Variants in DIPK1B observed in about 807,000 individuals in gnomAD.
DIPK1B encodes family with sequence similarity 69 member B.
DIPK1B carries 17 observed loss-of-function variants against 20.7 expected under a neutral mutation model. The ratio of observed to expected loss-of-function variants is 0.82; its 90% CI spans 0.56 to 1.23. The LOEUF (loss-of-function observed/expected upper bound fraction) is 1.23, where lower values mean the gene tolerates loss of function less well. Ranked by LOEUF, DIPK1B falls within the 50% of genes most tolerant of loss-of-function variation. The pLI is 0.00. For synonymous variants in DIPK1B, 343 were observed against 276.5 expected (o/e 1.24, Z -2.39); for missense variants, 648 against 601.8 (o/e 1.08, Z -0.80).
At chr9:136,722,475 C>T in intron 4 of DIPK1B, 174 bp downstream of exon 4, 2 of 818,218 alleles carry the variant, frequency 2.4e-6, no homozygotes, top group South Asian at 3.6e-5. Flanking sequence ...GAAGGAGCCT[C>T]TCCAGGGCTG....
Position 136,724,095 on chromosome 9 carries a change from C to T in DIPK1B, c.*321C>T, listed in dbSNP as rs887041781. ...ATGCTGTGTGTGGGACCCTTCGCCCCGCTGTGGATCCACCCAGCCCAGGCA... is the reference window on the plus strand; with the variant it reads ...ATGCTGTGTGTGGGACCCTTCGCCCTGCTGTGGATCCACCCAGCCCAGGCA... On this transcript the variant is annotated 3_prime_UTR_variant, in exon 5 of 5. Transcript: ENST00000371692. 4.2e-5 allele frequency: 14 copies of T among 331,284 alleles called. No homozygotes were observed. The highest frequency in any genetic ancestry group is 2.9e-4 in the African/African-American group (13 of 45,520). The allele number at this position is 331,284 out of a possible 1,614,324, so 20.5% of individuals were successfully genotyped here.
intron 3 of DIPK1B, 28 bp downstream of exon 3, chr9:136,722,056 C>A (rs1180286164): frequency 6.2e-7 from 1 of 1,612,958 alleles, no homozygotes; most frequent in East Asian, 2.2e-5. Context: ...GCGGGTGGGC[C>A]TGGGGCTGAT....
At chr9:136,713,632 C>T (rs1032356916) in intron 1 of DIPK1B, among the ~76,000 whole-genome samples, 1 of 152,214 alleles carries the variant, frequency 6.6e-6, no homozygotes, top group Non-Finnish European at 1.5e-5. Flanking sequence ...GGTCTGAGGA[C>T]CACCCCAGTC....
In DIPK1B at chr9:136,723,920, C is replaced by T; in HGVS notation, c.*146C>T. 1 of 844,772 alleles carries T rather than the reference C, an allele frequency of 1.2e-6. No homozygotes were observed. Among genetic ancestry groups the T allele is most frequent in the South Asian group, 1.8e-5 (1 of 56,214 alleles). 52.3% of individuals were successfully genotyped at this position (844,772 alleles called of 1,614,324 possible). A position where few individuals can be genotyped will look rare whatever the true frequency, so the allele number is the denominator to read the frequency against. On this transcript the variant is annotated 3_prime_UTR_variant, in exon 5 of 5. Coordinates refer to ENST00000371692, the MANE Select transcript of DIPK1B (RefSeq NM_152421.4). The stretch of plus-strand genomic sequence containing the variant: ...ACCGTCAGGGCTCTGGATTCCAGCA[C>T]CACAGACATGAGACCCCAGCTCGGA...
chr9:136,723,439 C>T lies in DIPK1B; in HGVS notation c.961C>T (p.Pro321Ser), dbSNP rs770649975. The change falls in exon 5 of 5, where the codon CCC becomes TCC. Residue 321 changes from proline to serine, a missense_variant. Pro to Ser is a moderately conservative substitution (Grantham distance 74, BLOSUM62 -1). Transcript: ENST00000371692. ...GATGGCCGACCTGCAGCAGGTGGCA[C>T]CCGAGGCCACCGTGCGCCGCTTCCT... ...FKMADLQQVAPEATVRRFLQG... is the reference protein window; with the variant it reads ...FKMADLQQVASEATVRRFLQG... The T allele has an allele frequency of 2.5e-6, 4 of 1,611,838 alleles. No individual in the cohort carries two copies. Among genetic ancestry groups the T allele is most frequent in the South Asian group, 2.2e-5 (2 of 91,016 alleles).
chr9:136,718,311 C>T (rs897915145), intron 2 of DIPK1B, among the ~76,000 whole-genome samples: 3 of 152,026 alleles, frequency 2.0e-5, no homozygotes, highest in Non-Finnish European at 2.9e-5. Flanking sequence ...GCCTTAGTGG[C>T]CTCGCTAGCC....
Position 136,723,533 on chromosome 9 carries a change from G to T in DIPK1B, c.1055G>T (p.Arg352Met), listed in dbSNP as rs7041513. Residue 352 changes from arginine (R) to methionine (M), a missense_variant, in exon 5 of 5, where the codon AGG (arginine) becomes ATG (methionine). Physicochemically the swap from Arg to Met is moderately conservative, Grantham distance 91. Coordinates refer to ENST00000371692, the MANE Select transcript of DIPK1B (RefSeq NM_152421.4). ...CGCGACTGCAGGGCCCCGTGTGACA[G>T]GCTCATGAGGCAGTGCAAGGGCGAC... is the stretch of plus-strand genomic sequence containing the variant. ...YGRDCRAPCD[R>M]LMRQCKGDLI... 6.3e-7 allele frequency: 1 copy of T among 1,599,850 alleles called. No homozygotes were observed. Among genetic ancestry groups the T allele is most frequent in the East Asian group, 2.3e-5 (1 of 44,220 alleles).
At chr9:136,718,801 G>C (rs962646055) in intron 2 of DIPK1B, among the ~76,000 whole-genome samples, 2 of 152,234 alleles carry the variant, frequency 1.3e-5, no homozygotes, top group Admixed American at 1.3e-4. Flanking sequence ...GGTGGGCCTG[G>C]GCAGGCCTGT....
rs375169771 is a variant in DIPK1B, at chr9:136,722,343, A to G, written c.483+42A>G. ...AGGGGGCAGGGCAGGAGTCCACACC[A>G]CGGTCATATGCCCAGCAGGCGGCCC... On this transcript the variant is annotated intron_variant, in intron 4 of 4. Coordinates refer to ENST00000371692, the MANE Select transcript of DIPK1B (RefSeq NM_152421.4). 1.5e-5 allele frequency: 24 copies of G among 1,585,776 alleles called. 1 individual carries two copies. Among genetic ancestry groups the G allele is most frequent in the Non-Finnish European group, 2.1e-5 (24 of 1,164,222 alleles).
intron 2 of DIPK1B, chr9:136,721,561 C>T (rs1050478486): frequency 3.5e-6 from 1 of 283,988 alleles, no homozygotes; most frequent in Non-Finnish European, 6.9e-6. Flanking sequence ...AGAGCTGGGT[C>T]GGCTGGGCGG....
At chr9:136,715,880 C>T (rs1846489335) in intron 1 of DIPK1B, among the ~76,000 whole-genome samples, 1 of 152,166 alleles carries the variant, frequency 6.6e-6, no homozygotes, top group Non-Finnish European at 1.5e-5. Context: ...TTTAAGGGCA[C>T]AGTTTAGTGG....
At chr9:136,715,107 C>T (rs185147742) in intron 1 of DIPK1B, among the ~76,000 whole-genome samples, 1 of 152,346 alleles carries the variant, frequency 6.6e-6, no homozygotes, top group Admixed American at 6.5e-5. Context: ...CAGCCTCTCC[C>T]TGGCCGCAGG....
intron 4 of DIPK1B, chr9:136,722,759 G>T: frequency 1.6e-6 from 1 of 633,208 alleles, no homozygotes; most frequent in Non-Finnish European, 2.7e-6. Context: ...CTGTCTGGCA[G>T]CAGCCACACA....
intron 1 of DIPK1B, among the ~76,000 whole-genome samples, chr9:136,715,663 C>T (rs530309920): frequency 6.6e-6 from 1 of 151,380 alleles, no homozygotes; most frequent in African/African-American, 2.4e-5. Flanking sequence ...TACAGGCATG[C>T]GCCACCATGC....
Position 136,722,047 on chromosome 9 carries a change from C to T in DIPK1B, c.306+19C>T, listed in dbSNP as rs374698383. ...CCAGCAGGTATAGCCACTGGCAGGG[C>T]GGGTGGGCCTGGGGCTGATACTGCC... On this transcript the variant is annotated intron_variant, in intron 3 of 4. Transcript: ENST00000371692. The T allele has an allele frequency of 2.1e-5, 34 of 1,606,252 alleles. No homozygotes were observed. In the African/African-American group the frequency reaches 2.7e-4, roughly 13 times the overall value.
rs113806770 is a variant in DIPK1B at position 136,715,517 on chromosome 9, CT to C, written c.64-2045del. On this transcript the variant is annotated intron_variant, in intron 1 of 4. Transcript: ENST00000371692. Reference sequence around the variant, plus strand: ...GCAGGGGCCAGGGGCTGCCTGCTTACTTTTTTTTTTTTTTTGAGACGGAGCC... The same window carrying C: ...GCAGGGGCCAGGGGCTGCCTGCTTACTTTTTTTTTTTTTTGAGACGGAGCC... Among the ~76,000 whole-genome samples, 1,018 of 144,148 alleles carry C rather than the reference CT, an allele frequency of 7.1e-3. 10 individuals are homozygous for C. Among genetic ancestry groups the C allele is most frequent in the African/African-American group, 0.018 (721 of 39,646 alleles). The allele number at this position is 144,148 out of a possible 152,430, so 94.6% of individuals were successfully genotyped here.
rs1368741423 is a variant in DIPK1B at position 136,717,577 on chromosome 9, G to C, written c.64G>C (p.Gly22Arg). 5.0e-6 allele frequency: 8 copies of C among 1,598,574 alleles called. No homozygotes were observed. The highest frequency in any genetic ancestry group is 6.8e-6 in the Non-Finnish European group (8 of 1,179,454). Residue 22 changes from glycine to arginine, a missense_variant and splice_region_variant, in exon 2 of 5, where the codon GGC becomes CGC. Coordinates refer to ENST00000371692, the MANE Select transcript of DIPK1B (RefSeq NM_152421.4). ...CCTCACGCAGCCCCTTCCCCCACAGGGCCGGCTCCCAGGCCTCAGGGTCCG... is the reference window on the plus strand; with the variant it reads ...CCTCACGCAGCCCCTTCCCCCACAGCGCCGGCTCCCAGGCCTCAGGGTCCG... ...LFCPFSKRLQ[G>R]RLPGLRVRCI...
rs61738631 is a variant in DIPK1B at position 136,722,019 on chromosome 9, G to A, written c.297G>A (p.Pro99=). 2.3e-3 allele frequency: 3,694 copies of A among 1,612,704 alleles called. 68 individuals are homozygous for A. In the African/African-American group the frequency reaches 0.042, roughly 19 times the overall value. ...VEWRTCLSVA[P]GQQVYSGLWR... Reference sequence around the variant, plus strand: ...GGAGGACCTGCCTCTCGGTGGCCCCGGGCCAGCAGGTATAGCCACTGGCAG... The same window carrying A: ...GGAGGACCTGCCTCTCGGTGGCCCCAGGCCAGCAGGTATAGCCACTGGCAG... Residue 99 remains proline, a synonymous_variant, in exon 3 of 5, where the codon CCG becomes CCA. Transcript: ENST00000371692.
At chr9:136,717,338 C>T (rs62582162) in intron 1 of DIPK1B, among the ~76,000 whole-genome samples, 5,049 of 152,296 alleles carry the variant, frequency 0.033, 133 homozygotes, top group Admixed American at 0.068. Flanking sequence ...GTCTGGGCAG[C>T]GCCTGCCCCC....
Sources: allele counts gnomAD v4.1 joint callset (sites outside exome capture counted in the v4.1 genomes callset), GRCh38; gene constraint gnomAD v4.1.1; transcripts MANE v1.5; gene names NCBI Gene and HGNC (gene_info 2026-07-23, HGNC 2026-07-21).